The following SEMA4G variants were observed in gnomAD, a reference collection of about 807,000 sequenced individuals.
SEMA4G encodes the protein semaphorin 4G, also known as semaphorin-4G.
A neutral mutation model predicts 81.2 loss-of-function variants in SEMA4G; 59 were observed. That is an observed-to-expected ratio of 0.73 (90% CI 0.59 to 0.90). The LOEUF (loss-of-function observed/expected upper bound fraction) is 0.90, where lower values mean the gene tolerates loss of function less well. SEMA4G is among the 40% of genes least tolerant of loss of function. The pLI is 0.00. For missense variants in SEMA4G, 952 were observed against 1,102.3 expected, an observed-to-expected ratio of 0.86 and a Z score of 1.93; for synonymous variants, 404 against 433.9, an observed-to-expected ratio of 0.93 and a Z score of 0.86.
At chr10:100,970,085 G>C (rs916322616), upstream of SEMA4G, among the ~76,000 whole-genome samples, 2 of 152,142 alleles carry the variant, frequency 1.3e-5, no homozygotes, top group African/African-American at 4.8e-5. Flanking sequence ...TGAAGGTCGA[G>C]AGCCTGCTGA....
intron 13 of SEMA4G, chr10:100,981,441 A>C: frequency 6.2e-7 from 1 of 1,614,150 alleles, no homozygotes; most frequent in Middle Eastern, 1.6e-4. Flanking sequence ...TAAGATGTGA[A>C]GTGTCTTGTC....
At chr10:100,979,195 C>A in exon 8 of SEMA4G, 1 of 1,614,204 alleles carries the variant, frequency 6.2e-7, no homozygotes, top group Non-Finnish European at 8.5e-7. Flanking sequence ...TGAGACACTG[C>A]GTGGGGTCTG....
exon 14 of SEMA4G, chr10:100,983,901 C>G: frequency 6.6e-7 from 1 of 1,507,354 alleles, no homozygotes; most frequent in Non-Finnish European, 8.9e-7. Context: ...GGAGGGAGCC[C>G]CAGCCCCACC....
downstream of SEMA4G, chr10:100,985,580 C>T (rs1441105677): frequency 6.6e-6 from 1 of 152,652 alleles, no homozygotes; most frequent in East Asian, 1.9e-4. Flanking sequence ...CAGCTCCTCC[C>T]CCTGCCGTTG....
chr10:100,985,110 C>T (rs148889377), downstream of SEMA4G: 53 of 489,288 alleles, frequency 1.1e-4, no homozygotes, highest in Non-Finnish European at 1.6e-4. Flanking sequence ...ACCAACACTG[C>T]ACTCAATGAG....
In SEMA4G at chr10:100,983,524, ATGGCCTCCGCACCCTGC is replaced by A; in HGVS notation, c.1919_1935del (p.Arg640LeufsTer2). ...AACTATGGCTGCTATGCCGAGGAAAATGGCCTCCGCACCCTGCTGGCCTCCTATAGTCTCACAGTCCG... is the reference window on the plus strand; with the variant it reads ...AACTATGGCTGCTATGCCGAGGAAAATGGCCTCCTATAGTCTCACAGTCCG... On this transcript the variant is annotated frameshift_variant, in exon 14 of 14. Coordinates refer to ENST00000370250, the Ensembl canonical transcript of SEMA4G. LOFTEE classifies it high-confidence loss of function. The A allele has an allele frequency of 6.2e-7, 1 of 1,614,120 alleles. No individual in the cohort carries two copies. The highest frequency in any genetic ancestry group is 8.5e-7 in the Non-Finnish European group (1 of 1,180,012).
Position 100,973,700 on chromosome 10 carries a change from C to T in SEMA4G, c.336+91C>T, listed in dbSNP as rs753406412. ...TGTTGGGGACACAGATGGGTAGGTA[C>T]AGACCTGCCAGTCAATCTCAGCAAC... On this transcript the variant is annotated intron_variant, in intron 3 of 13. Transcript: ENST00000370250. This position sits in a 1 kb window ranked among gnomAD's most constrained non-coding sequence, Gnocchi z 5.5. 3 of 1,117,600 alleles carry T rather than the reference C, an allele frequency of 2.7e-6. No individual in the cohort carries two copies. Among genetic ancestry groups the T allele is most frequent in the East Asian group, 2.5e-5 (1 of 39,672 alleles). The allele number at this position is 1,117,600 out of a possible 1,614,324, so 69.2% of individuals were successfully genotyped here. A position where few individuals can be genotyped will look rare whatever the true frequency, so the allele number is the denominator to read the frequency against.
chr10:100,985,580 C>A (rs1441105677), downstream of SEMA4G: 1 of 152,652 alleles, frequency 6.6e-6, no homozygotes, highest in Non-Finnish European at 1.5e-5. Context: ...CAGCTCCTCC[C>A]CCTGCCGTTG....
chr10:100,980,008 T>G lies in SEMA4G; in HGVS notation c.1128+16T>G, dbSNP rs776211795. On this transcript the variant is annotated intron_variant, in intron 9 of 13. Transcript: ENST00000370250. The stretch of plus-strand genomic sequence containing the variant: ...GCCTGGCTCGGTGAGTGCCCAGGCC[T>G]GGGGCCAGTGCTGAGTAGACAGAGC... 23 of 1,613,750 alleles carry G rather than the reference T, an allele frequency of 1.4e-5. No homozygotes were observed. Among genetic ancestry groups the G allele is most frequent in the Non-Finnish European group, 1.7e-6 (2 of 1,179,950 alleles).
chr10:100,984,105 G>A (rs1250475715), exon 14 of SEMA4G: 2 of 1,612,454 alleles, frequency 1.2e-6, no homozygotes, highest in Admixed American at 1.7e-5. Flanking sequence ...GCAGCTCGTG[G>A]AGCAGCTAGA....
chr10:100,982,563 G>A (rs530307196), intron 13 of SEMA4G, among the ~76,000 whole-genome samples: 2 of 152,320 alleles, frequency 1.3e-5, no homozygotes, highest in South Asian at 2.1e-4. Context: ...AGGCCAAGGC[G>A]AGTGGATCAC....
chr10:100,971,348 G>A (rs940320411), upstream of SEMA4G, among the ~76,000 whole-genome samples: 3 of 152,206 alleles, frequency 2.0e-5, no homozygotes, highest in South Asian at 2.1e-4. Flanking sequence ...GGGCATGGCC[G>A]GCTTGCCTGA....
intron 3 of SEMA4G, among the ~76,000 whole-genome samples, chr10:100,976,055 G>A (rs1352975121): frequency 6.6e-6 from 1 of 152,162 alleles, no homozygotes; most frequent in Non-Finnish European, 1.5e-5. Context: ...TCAGAGGAAG[G>A]GGCCTGAGCA....
At chr10:100,978,535 C>T (rs1352712085) in exon 6 of SEMA4G, 1 of 1,613,984 alleles carries the variant, frequency 6.2e-7, no homozygotes, top group Non-Finnish European at 8.5e-7. Context: ...AGATGGAGGC[C>T]TCTACACAGC....
Position 100,977,703 on chromosome 10 carries a change from C to G in SEMA4G, c.408C>G (p.His136Gln), listed in dbSNP as rs760573069. Reference sequence around the variant, plus strand: ...CCCACCTCTATGCATGTGGGACTCACGCCTTCCAGCCCCTCTGTGCAGCCA... The same window carrying G: ...CCCACCTCTATGCATGTGGGACTCAGGCCTTCCAGCCCCTCTGTGCAGCCA... Residue 136 changes from histidine to glutamine, a missense_variant, in exon 4 of 14, where the codon CAC (histidine) becomes CAG (glutamine). By Grantham distance (24) the His-to-Gln change is conservative. Transcript: ENST00000370250. 30 of 1,613,890 alleles carry G rather than the reference C, an allele frequency of 1.9e-5. 1 individual carries two copies. The Middle Eastern group carries it at 6.6e-4, about 35-fold the overall frequency.
chr10:100,973,444 T>C lies in SEMA4G; in HGVS notation c.274-103T>C. 1 of 1,420,100 alleles carries C rather than the reference T, an allele frequency of 7.0e-7. No homozygotes were observed. Among genetic ancestry groups the C allele is most frequent in the Non-Finnish European group, 9.8e-7 (1 of 1,021,024 alleles). 88.0% of individuals were successfully genotyped at this position (1,420,100 alleles called of 1,614,324 possible). ...CATTCAGTGTTCCTCCTGAAATTGA[T>C]CCCCACCCCAATTTCCCCAACTCTG... On this transcript the variant is annotated intron_variant, in intron 2 of 13. Coordinates refer to ENST00000370250, the Ensembl canonical transcript of SEMA4G. This position sits in a 1 kb window ranked among gnomAD's most constrained non-coding sequence, Gnocchi z 5.5.
At chr10:100,981,217 A>G (rs756467836) in exon 13 of SEMA4G, 2 of 1,614,112 alleles carry the variant, frequency 1.2e-6, no homozygotes, top group African/African-American at 2.7e-5. Flanking sequence ...CTGTGAGAGC[A>G]GCAGGGATAC....
intron 3 of SEMA4G, among the ~76,000 whole-genome samples, chr10:100,974,019 C>T (rs111981433): frequency 0.28 from 41,792 of 151,254 alleles, 6,627 homozygotes; most frequent in East Asian, 0.54. Context: ...CAAGCAGTCC[C>T]CCTACCTTAG....
exon 1 of SEMA4G, chr10:100,972,828 T>C: frequency 1.4e-6 from 2 of 1,465,252 alleles, no homozygotes; most frequent in Non-Finnish European, 1.8e-6. Flanking sequence ...TTGACCCCTG[T>C]GACTGTGCTT....
Sources: allele counts gnomAD v4.1 joint callset (sites outside exome capture counted in the v4.1 genomes callset), GRCh38; gene constraint gnomAD v4.1.1; non-coding constraint Gnocchi (gnomAD v3.1); transcripts MANE v1.5; gene names NCBI Gene and HGNC (gene_info 2026-07-23, HGNC 2026-07-21).